SNTG1: variants seen among roughly 807,000 people sequenced by gnomAD.
SNTG1 encodes gamma-1-syntrophin.
A neutral mutation model predicts 74.7 loss-of-function variants in SNTG1; 39 were observed. That is an observed-to-expected ratio of 0.52 (90% CI 0.40 to 0.68). SNTG1 has a LOEUF of 0.68. SNTG1 is among the 30% of genes least tolerant of loss of function. The pLI is 0.00. For missense variants in SNTG1, 685 were observed against 609.5 expected, an observed-to-expected ratio of 1.12 and a Z score of -1.30; for synonymous variants, 254 against 217.1, an observed-to-expected ratio of 1.17 and a Z score of -1.49.
intron 11 of SNTG1, among the ~76,000 whole-genome samples, chr8:50,551,460 G>T (rs987055612): frequency 6.6e-6 from 1 of 152,082 alleles, no homozygotes; most frequent in Admixed American, 6.6e-5. Flanking sequence ...AAGCAGAGAA[G>T]ACAAATATGA....
At chr8:49,910,669 A>G (rs1431753572), upstream of SNTG1, among the ~76,000 whole-genome samples, 1 of 152,126 alleles carries the variant, frequency 6.6e-6, no homozygotes, top group East Asian at 1.9e-4. Context: ...GCGGGAGTGA[A>G]GAGCCTGCAA....
chr8:50,247,775 C>G (rs893484385), intron 2 of SNTG1, among the ~76,000 whole-genome samples: 1 of 151,998 alleles, frequency 6.6e-6, no homozygotes, highest in Admixed American at 6.6e-5. Flanking sequence ...CCTCCCACCT[C>G]AGCTTCCCAA....
intron 2 of SNTG1, among the ~76,000 whole-genome samples, chr8:50,180,763 T>G (rs1157845605): frequency 7.0e-6 from 1 of 143,214 alleles, no homozygotes; most frequent in Non-Finnish European, 1.5e-5. Context: ...TTTTTTTTTT[T>G]TTTTTTTTTT....
chr8:50,271,197 G>A (rs935878262), intron 2 of SNTG1, among the ~76,000 whole-genome samples: 2 of 152,084 alleles, frequency 1.3e-5, no homozygotes, highest in South Asian at 2.1e-4. Flanking sequence ...AAATATGTCA[G>A]CTTTTGGTAT....
intron 11 of SNTG1, among the ~76,000 whole-genome samples, chr8:50,548,970 C>T (rs760340454): frequency 4.6e-5 from 7 of 152,168 alleles, no homozygotes; most frequent in South Asian, 2.1e-4. Context: ...GAGAGTTTCA[C>T]GGTGTTAACT....
intron 2 of SNTG1, among the ~76,000 whole-genome samples, chr8:50,387,815 G>T (rs1432951633): frequency 6.6e-6 from 1 of 152,114 alleles, no homozygotes. Flanking sequence ...TAAAAGAAAA[G>T]AGGGTTGGTG....
chr8:50,389,079 A>G (rs1587432803), intron 2 of SNTG1, among the ~76,000 whole-genome samples: 1 of 152,304 alleles, frequency 6.6e-6, no homozygotes, highest in African/African-American at 2.4e-5. Context: ...GTTCTCGTGC[A>G]ATTGCAGAAG....
intron 1 of SNTG1, among the ~76,000 whole-genome samples, chr8:49,962,079 C>T (rs758963181): frequency 2.0e-5 from 3 of 152,164 alleles, no homozygotes; most frequent in South Asian, 2.1e-4. Flanking sequence ...TGCCCTTGAG[C>T]GGACATTGAG....
At chr8:50,621,356 T>C (rs1176988860) in intron 13 of SNTG1, among the ~76,000 whole-genome samples, 2 of 152,124 alleles carry the variant, frequency 1.3e-5, no homozygotes, top group Non-Finnish European at 2.9e-5. Context: ...AAGTAGGTGA[T>C]TCATGAAGTA....
chr8:50,088,234 A>G (rs1318685216), intron 1 of SNTG1, among the ~76,000 whole-genome samples: 1 of 151,638 alleles, frequency 6.6e-6, no homozygotes, highest in Non-Finnish European at 1.5e-5. Flanking sequence ...TCAATAAATT[A>G]GGTATTGATG....
chr8:50,338,016 G>A (rs1414688538), intron 2 of SNTG1, among the ~76,000 whole-genome samples: 1 of 151,910 alleles, frequency 6.6e-6, no homozygotes, highest in Non-Finnish European at 1.5e-5. Context: ...GGCGCCTGTA[G>A]TCCCAGCTAC....
chr8:49,939,403 C>T (rs1225739182), intron 1 of SNTG1, among the ~76,000 whole-genome samples: 1 of 152,076 alleles, frequency 6.6e-6, no homozygotes, highest in Non-Finnish European at 1.5e-5. Flanking sequence ...TGTCATTGAC[C>T]ACTTAGTATA....
intron 12 of SNTG1, among the ~76,000 whole-genome samples, chr8:50,572,503 C>G (rs766432221): frequency 6.6e-6 from 1 of 152,060 alleles, no homozygotes; most frequent in African/African-American, 2.4e-5. Flanking sequence ...AGAAAGCTCA[C>G]TCAGATATAA....
chr8:50,438,809 AT>A (rs2093331082), intron 5 of SNTG1, among the ~76,000 whole-genome samples: 2 of 152,216 alleles, frequency 1.3e-5, no homozygotes, highest in South Asian at 4.1e-4. Flanking sequence ...GAATATGGGA[AT>A]TTACCTTATG....
chr8:49,937,902 A>G (rs1808231059), intron 1 of SNTG1, among the ~76,000 whole-genome samples: 1 of 151,794 alleles, frequency 6.6e-6, no homozygotes, highest in Non-Finnish European at 1.5e-5. Context: ...TTTTTGAAAC[A>G]TTATTCCTGT....
intron 2 of SNTG1, among the ~76,000 whole-genome samples, chr8:50,255,089 C>T (rs969086919): frequency 2.6e-5 from 4 of 151,048 alleles, no homozygotes; most frequent in Non-Finnish European, 5.9e-5. Flanking sequence ...TTATTAAATG[C>T]CCTTTTGGTC....
At chr8:50,783,857 T>C (rs1303333898) in intron 18 of SNTG1, among the ~76,000 whole-genome samples, 1 of 152,216 alleles carries the variant, frequency 6.6e-6, no homozygotes, top group Admixed American at 6.5e-5. Flanking sequence ...AACTTCAGTT[T>C]GAGTTTTCAC....
intron 8 of SNTG1, among the ~76,000 whole-genome samples, chr8:50,496,120 A>T (rs1457006398): frequency 2.6e-5 from 4 of 152,200 alleles, no homozygotes; most frequent in Non-Finnish European, 5.9e-5. Context: ...ATCAACCCTC[A>T]AAGTCATGTT....
At chr8:50,481,427 A>G (rs2093739755) in intron 8 of SNTG1, among the ~76,000 whole-genome samples, 1 of 152,198 alleles carries the variant, frequency 6.6e-6, no homozygotes, top group African/African-American at 2.4e-5. Flanking sequence ...AAGTATTATT[A>G]GGTTCTACAG....
Sources: gnomAD v4.1 joint callset for allele counts (sites outside exome capture counted in the v4.1 genomes callset) on GRCh38, gnomAD v4.1.1 for gene constraint, MANE v1.5 for transcripts, NCBI Gene and HGNC (gene_info 2026-07-23, HGNC 2026-07-21) for gene names.